Variants in SLC38A4 observed in about 807,000 individuals in gnomAD.
The protein encoded by SLC38A4 is solute carrier family 38 member 4.
Under a neutral mutation model 63.1 loss-of-function variants are expected in SLC38A4, and 20 were observed. The ratio of observed to expected loss-of-function variants is 0.32; its 90% CI spans 0.22 to 0.46. SLC38A4 has a LOEUF of 0.46. Among genes scored for constraint, SLC38A4 ranks in the 20% least tolerant of loss-of-function variants. The pLI is 1.00. For synonymous variants in SLC38A4, 230 were observed against 225.5 expected (o/e 1.02, Z -0.18); for missense variants, 526 against 663.6 (o/e 0.79, Z 2.28).
intron 2 of SLC38A4, among the ~76,000 whole-genome samples, chr12:46,793,927 A>C (rs1227680485): frequency 6.6e-6 from 1 of 152,150 alleles, no homozygotes; most frequent in Non-Finnish European, 1.5e-5. Flanking sequence ...CATTTTCCTC[A>C]ATTGTATAGT....
rs141065648 is a variant in SLC38A4, at chr12:46,772,753, C to T, written c.1299+2296G>A. ...CAAACCCCAGTCATATCTTCTCAAG[C>T]TCCTAAGAAAGAGAGCCCAGTTACC... On this transcript the variant is annotated intron_variant, in intron 14 of 16. Transcript: ENST00000266579. Among the ~76,000 whole-genome samples, 10 of 152,128 alleles carry T rather than the reference C, an allele frequency of 6.6e-5. No homozygotes were observed. The East Asian group carries it at 1.9e-3, about 30-fold the overall frequency.
chr12:46,775,686 T>C (rs1938510767), intron 13 of SLC38A4, among the ~76,000 whole-genome samples: 2 of 152,018 alleles, frequency 1.3e-5, no homozygotes, highest in Non-Finnish European at 2.9e-5. Flanking sequence ...TTGGGCTCTT[T>C]CAAGTTTTTG....
rs772579722 is a variant in SLC38A4 at position 46,766,710 on chromosome 12, C to T, written c.1635G>A (p.Lys545=). ...IDWIYDPPNS[K]HH is the part of the protein sequence containing the mutation. ...AGTATTTTTCCTTGTGTTAGTGATG[C>T]TTGGAATTTGGAGGATCATAAATCC... Residue 545 remains lysine, a synonymous_variant, in exon 17 of 17, where the codon AAG becomes AAA. Coordinates refer to ENST00000266579, the MANE Select transcript of SLC38A4 (RefSeq NM_018018.5). The T allele has an allele frequency of 6.2e-7, 1 of 1,606,206 alleles. No homozygotes were observed. Among genetic ancestry groups the T allele is most frequent in the South Asian group, 1.1e-5 (1 of 90,676 alleles).
chr12:46,782,722 T>C (rs979448566), intron 7 of SLC38A4, among the ~76,000 whole-genome samples: 1 of 151,386 alleles, frequency 6.6e-6, no homozygotes, highest in Non-Finnish European at 1.5e-5. Flanking sequence ...AGAACACTTA[T>C]TATGTGCCAT....
intron 1 of SLC38A4, among the ~76,000 whole-genome samples, chr12:46,832,079 G>A (rs1939739205): frequency 6.6e-6 from 1 of 152,066 alleles, no homozygotes; most frequent in Non-Finnish European, 1.5e-5. Context: ...CTAGTCAACC[G>A]AATCATTAGC....
At chr12:46,770,396 T>A (rs1938393322) in intron 14 of SLC38A4, among the ~76,000 whole-genome samples, 1 of 152,068 alleles carries the variant, frequency 6.6e-6, no homozygotes, top group African/African-American at 2.4e-5. Flanking sequence ...TGTAAATCTA[T>A]GAAAGGCAAG....
At chr12:46,819,666 A>C (rs914366060) in intron 1 of SLC38A4, among the ~76,000 whole-genome samples, 1 of 151,892 alleles carries the variant, frequency 6.6e-6, no homozygotes, top group Admixed American at 6.6e-5. Context: ...GTGAGTATAG[A>C]TAAACTACAA....
At chr12:46,827,028 G>A (rs569191728), upstream of SLC38A4, among the ~76,000 whole-genome samples, 29 of 152,322 alleles carry the variant, frequency 1.9e-4, no homozygotes, top group African/African-American at 7.0e-4. Flanking sequence ...CAGGGTGACA[G>A]TAGTGAACAA....
At chr12:46,807,380 G>T (rs12304394) in intron 1 of SLC38A4, among the ~76,000 whole-genome samples, 1 of 151,740 alleles carries the variant, frequency 6.6e-6, no homozygotes, top group Non-Finnish European at 1.5e-5. Flanking sequence ...ATAAACTCAA[G>T]ATCTAATTGA....
intron 2 of SLC38A4, 53 bp from the exon 3 acceptor site, chr12:46,793,236 T>A (rs1187319629): frequency 2.2e-6 from 1 of 454,654 alleles, no homozygotes; most frequent in Admixed American, 3.8e-5. Flanking sequence ...ATGAAATAAG[T>A]GAATATGAAT....
intron 1 of SLC38A4, among the ~76,000 whole-genome samples, chr12:46,812,298 GT>G (rs1939354127): frequency 6.6e-6 from 1 of 151,938 alleles, no homozygotes; most frequent in Non-Finnish European, 1.5e-5. Context: ...TTCCTTTGAT[GT>G]TTGCTTAAGA....
chr12:46,771,976 A>G (rs1938425118), intron 14 of SLC38A4, among the ~76,000 whole-genome samples: 1 of 152,014 alleles, frequency 6.6e-6, no homozygotes, highest in Non-Finnish European at 1.5e-5. Flanking sequence ...GATTCCATTA[A>G]GGTTCTATGC....
intron 5 of SLC38A4, among the ~76,000 whole-genome samples, chr12:46,786,486 TG>T (rs1938763657): frequency 6.6e-6 from 1 of 152,128 alleles, no homozygotes; most frequent in Non-Finnish European, 1.5e-5. Flanking sequence ...AGATGATCTA[TG>T]ACTGTGGGAT....
At chr12:46,792,913 C>G in intron 3 of SLC38A4, 40 bp downstream of exon 3, 1 of 1,450,156 alleles carries the variant, frequency 6.9e-7, no homozygotes, top group South Asian at 1.1e-5. Flanking sequence ...CACATCCTGT[C>G]TTATTTTTCC....
At chr12:46,814,816 T>G (rs1939406366) in intron 1 of SLC38A4, among the ~76,000 whole-genome samples, 2 of 151,898 alleles carry the variant, frequency 1.3e-5, no homozygotes, top group Admixed American at 6.6e-5. Context: ...TCTCCCATCT[T>G]TACATCTCTT....
At chr12:46,768,435 A>C in intron 15 of SLC38A4, 28 bp from the exon 16 acceptor site, 18 of 1,541,842 alleles carry the variant, frequency 1.2e-5, no homozygotes, top group Non-Finnish European at 1.3e-5. Flanking sequence ...GGGCAAGGTC[A>C]ATGTCTTACC....
At chr12:46,778,964 C>T (rs1938585369) in intron 10 of SLC38A4, among the ~76,000 whole-genome samples, 188 bp from the exon 11 acceptor site, 1 of 151,948 alleles carries the variant, frequency 6.6e-6, no homozygotes, top group Non-Finnish European at 1.5e-5. Flanking sequence ...CTGTGATTGG[C>T]AGCCCTGCCT....
intron 7 of SLC38A4, among the ~76,000 whole-genome samples, chr12:46,783,578 A>G (rs1262397833): frequency 6.6e-6 from 1 of 152,082 alleles, no homozygotes; most frequent in Admixed American, 6.6e-5. Context: ...ACGGACAGAG[A>G]GGAGAGGTTC....
chr12:46,808,473 T>C (rs954547207), intron 1 of SLC38A4, among the ~76,000 whole-genome samples: 2 of 151,706 alleles, frequency 1.3e-5, no homozygotes, highest in African/African-American at 4.8e-5. Flanking sequence ...GCCACAGACC[T>C]AAATAGAAAA....
Sources: allele counts gnomAD v4.1 joint callset (sites outside exome capture counted in the v4.1 genomes callset), GRCh38; gene constraint gnomAD v4.1.1; transcripts MANE v1.5; gene names NCBI Gene and HGNC (gene_info 2026-07-23, HGNC 2026-07-21).